Variants in TTC12 observed in about 807,000 individuals in gnomAD.
TTC12 encodes the protein tetratricopeptide repeat domain 12.
TTC12 carries 70 observed loss-of-function variants against 90.1 expected under a neutral mutation model. The observed-to-expected ratio is 0.78, with a 90% CI of 0.64 to 0.95. The LOEUF is 0.95. TTC12 is among the 40% of genes least tolerant of loss of function. The pLI, the probability that TTC12 is intolerant of heterozygous loss-of-function variation, is 0.00. For missense variants in TTC12, 819 were observed against 846.1 expected (o/e 0.97, Z 0.40); for synonymous variants, 296 against 311.5 (o/e 0.95, Z 0.53).
chr11:113,347,500 C>T (rs951907612), intron 13 of TTC12, among the ~76,000 whole-genome samples: 2 of 152,148 alleles, frequency 1.3e-5, no homozygotes, highest in Admixed American at 6.5e-5. Context: ...TGGATCTCAC[C>T]TCCCAAGGTA....
intron 3 of TTC12, 82 bp downstream of exon 3, chr11:113,323,533 C>G: frequency 1.1e-6 from 1 of 902,938 alleles, no homozygotes; most frequent in Non-Finnish European, 1.6e-6. Context: ...CTCAAACTGT[C>G]CAGCAAGGCT....
At position 113,323,385 on chromosome 11, in the gene TTC12, G is replaced by A. The variant is rs1947470081; in HGVS notation, c.156G>A (p.Gln52=). Residue 52 remains glutamine (Q), a synonymous_variant, in exon 3 of 22, where the codon CAG becomes CAA. Coordinates refer to ENST00000529221, the MANE Select transcript of TTC12 (RefSeq NM_017868.4). ...EKRLLLMEED[Q]EEDECRTTLN... The stretch of plus-strand genomic sequence containing the variant: ...GACTACTGCTTATGGAGGAAGACCA[G>A]GAGGAGGATGAATGCAGGACCACCT... 13 of 1,613,358 alleles carry A rather than the reference G, an allele frequency of 8.1e-6. No individual in the cohort carries two copies. Among genetic ancestry groups the A allele is most frequent in the Non-Finnish European group, 1.1e-5 (13 of 1,179,746 alleles).
chr11:113,372,309 C>T (rs943503855), intron 21 of TTC12, among the ~76,000 whole-genome samples: 9 of 152,216 alleles, frequency 5.9e-5, no homozygotes, highest in Admixed American at 1.3e-4. Flanking sequence ...CCATAGCCTC[C>T]TTGCTGATCT....
chr11:113,352,047 GC>G (rs1555150465), intron 15 of TTC12, 22 bp from the exon 16 acceptor site: 1 of 1,611,492 alleles, frequency 6.2e-7, no homozygotes, highest in African/African-American at 1.3e-5. Context: ...CTGAGGCTCT[GC>G]CTTCTCTCAA....
In TTC12 at chr11:113,325,565, T is replaced by G; in HGVS notation, c.364T>G (p.Tyr122Asp). The G allele has an allele frequency of 6.2e-7, 1 of 1,614,004 alleles. No homozygotes were observed. Among genetic ancestry groups the G allele is most frequent in the Non-Finnish European group, 8.5e-7 (1 of 1,179,866 alleles). The change falls in exon 6 of 22, where the codon TAT (tyrosine) becomes GAT (aspartate). Residue 122 changes from tyrosine (Y) to aspartate (D), a missense_variant. Transcript: ENST00000529221. ...KGNEAFAEGN[Y>D]ETAILRYSEG... The stretch of plus-strand genomic sequence containing the variant: ...GAATGAAGCATTTGCTGAAGGCAAT[T>G]ATGAAACAGCTATCCTGCGCTACAG...
In TTC12 at chr11:113,338,772, A is replaced by C; in HGVS notation, c.577-2A>C. 6.2e-7 allele frequency: 1 copy of C among 1,613,136 alleles called. No individual in the cohort carries two copies. Among genetic ancestry groups the C allele is most frequent in the Non-Finnish European group, 8.5e-7 (1 of 1,179,276 alleles). On this transcript the variant is annotated splice_acceptor_variant, in intron 8 of 21. Coordinates refer to ENST00000529221, the MANE Select transcript of TTC12 (RefSeq NM_017868.4). LOFTEE classifies it high-confidence loss of function. ...CTTCAAGGTCTTGTTTCTTTTTTCC[A>C]GTCTAGAGAGTGTTATAAGAAGATC...
chr11:113,357,187 C>T (rs1949680736), intron 16 of TTC12, among the ~76,000 whole-genome samples: 1 of 152,134 alleles, frequency 6.6e-6, no homozygotes, highest in African/African-American at 2.4e-5. Context: ...TGTTCAAGCT[C>T]TGAGATTATT....
chr11:113,340,519 A>T, intron 10 of TTC12, 145 bp from the exon 11 acceptor site: 1 of 640,698 alleles, frequency 1.6e-6, no homozygotes, highest in Admixed American at 2.4e-5. Flanking sequence ...TTCAAAATGT[A>T]AAGTTCATTT....
At chr11:113,339,224 C>A in intron 9 of TTC12, 62 bp from the exon 10 acceptor site, 2 of 1,399,598 alleles carry the variant, frequency 1.4e-6, no homozygotes, top group Non-Finnish European at 1.9e-6. Context: ...AAAAAGGTTG[C>A]TTCTTGTGTG....
At chr11:113,324,307 C>T (rs545517699) in intron 4 of TTC12, 5 of 536,132 alleles carry the variant, frequency 9.3e-6, no homozygotes, top group South Asian at 8.3e-5. Context: ...CTCAGAAGCT[C>T]ATTATGCTAA....
chr11:113,348,941 T>G (rs1555149079), intron 13 of TTC12, among the ~76,000 whole-genome samples: 1 of 152,226 alleles, frequency 6.6e-6, no homozygotes, highest in Non-Finnish European at 1.5e-5. Flanking sequence ...CTCCTGCAAT[T>G]CTATGCCCAC....
At chr11:113,318,148 G>A (rs368046889) in intron 2 of TTC12, among the ~76,000 whole-genome samples, 2 of 152,192 alleles carry the variant, frequency 1.3e-5, no homozygotes, top group East Asian at 1.9e-4. Flanking sequence ...AGAGAATACA[G>A]TCAAAGAATT....
In TTC12 at chr11:113,342,967, G is replaced by A. The variant is rs1354018933; in HGVS notation, c.985+1042G>A. 3.9e-5 allele frequency among the ~76,000 whole-genome samples: 6 copies of A among 152,222 alleles called. No individual in the cohort carries two copies. The East Asian group carries it at 7.7e-4, about 20-fold the overall frequency. ...TACTCTTTCTGTGAACCTATTTATCGTTTCTGTGAACCTTAAAGTTACATT... is the reference window on the plus strand; with the variant it reads ...TACTCTTTCTGTGAACCTATTTATCATTTCTGTGAACCTTAAAGTTACATT... On this transcript the variant is annotated intron_variant, in intron 12 of 21. Transcript: ENST00000529221.
chr11:113,314,873 CG>C (rs1397773410), intron 1 of TTC12: 1 of 152,370 alleles, frequency 6.6e-6, no homozygotes, highest in Non-Finnish European at 1.5e-5. Context: ...AGGCTCCGCG[CG>C]GGGCTCGGGC....
chr11:113,322,441 G>C (rs1187974606), intron 2 of TTC12, among the ~76,000 whole-genome samples: 1 of 152,182 alleles, frequency 6.6e-6, no homozygotes, highest in Admixed American at 6.5e-5. Flanking sequence ...AAGGAAGGAT[G>C]GATGTAGGTA....
At chr11:113,319,037 A>G (rs1947125620) in intron 2 of TTC12, among the ~76,000 whole-genome samples, 1 of 152,200 alleles carries the variant, frequency 6.6e-6, no homozygotes, top group African/African-American at 2.4e-5. Context: ...AGAGTACAGT[A>G]TGGAAAGGGA....
chr11:113,321,391 T>C (rs552979951), intron 2 of TTC12, among the ~76,000 whole-genome samples: 4 of 152,250 alleles, frequency 2.6e-5, no homozygotes, highest in East Asian at 1.9e-4. Flanking sequence ...TTATTTACTT[T>C]AGAAAAAACT....
rs782504286 is a variant in TTC12, at chr11:113,362,411, G to T, written c.1625G>T (p.Gly542Val). 1 of 1,613,084 alleles carries T rather than the reference G, an allele frequency of 6.2e-7. No homozygotes were observed. Among genetic ancestry groups the T allele is most frequent in the Non-Finnish European group, 8.5e-7 (1 of 1,179,042 alleles). The change falls in exon 19 of 22, where the codon GGT (glycine) becomes GTT (valine). Residue 542 changes from glycine to valine, a missense_variant. Physicochemically the swap from Gly to Val is moderately radical, Grantham distance 109. Transcript: ENST00000529221. ...TTCTGCTGTACTCAGAGAGCTGCTG[G>T]TGTTCTGAGCCGGACCCTTTCTTCC... Reference protein sequence around the residue: ...QDGGILTRAAGVLSRTLSSSL... With the variant: ...QDGGILTRAAVVLSRTLSSSL...
intron 2 of TTC12, among the ~76,000 whole-genome samples, chr11:113,321,905 A>G (rs550525064): frequency 6.6e-6 from 1 of 152,184 alleles, no homozygotes; most frequent in Non-Finnish European, 1.5e-5. Context: ...TCCAGCTGAA[A>G]CCAGAACTGG....
Sources: allele counts gnomAD v4.1 joint callset (sites outside exome capture counted in the v4.1 genomes callset), GRCh38; gene constraint gnomAD v4.1.1; transcripts MANE v1.5; gene names NCBI Gene and HGNC (gene_info 2026-07-23, HGNC 2026-07-21).